Variants in ZC3H7A observed in about 807,000 individuals in gnomAD.
ZC3H7A encodes the protein zinc finger CCCH domain-containing protein 7A.
Under a neutral mutation model 125.5 loss-of-function variants are expected in ZC3H7A, and 44 were observed. That is an observed-to-expected ratio of 0.35 (90% CI 0.28 to 0.45). The LOEUF is 0.45. Ranked by LOEUF, ZC3H7A falls within the 20% of genes least tolerant of loss-of-function variation. ZC3H7A has a pLI of 1.00. For synonymous variants in ZC3H7A, 399 were observed against 391.2 expected, an observed-to-expected ratio of 1.02 and a Z score of -0.23; for missense variants, 977 against 1,170.7, an observed-to-expected ratio of 0.83 and a Z score of 2.41.
chr16:11,781,624 A>G (rs2053174243), intron 2 of ZC3H7A, among the ~76,000 whole-genome samples, 160 bp from the exon 3 acceptor site: 1 of 146,740 alleles, frequency 6.8e-6, no homozygotes, highest in African/African-American at 2.6e-5. Context: ...ACAGATGACT[A>G]CAGTTATGGG....
Position 11,765,630 on chromosome 16 carries a change from G to A in ZC3H7A, c.1578C>T (p.Cys526=). 1.2e-6 allele frequency: 2 copies of A among 1,613,858 alleles called. No homozygotes were observed. The highest frequency in any genetic ancestry group is 1.7e-6 in the Non-Finnish European group (2 of 1,179,866). ...RYSGHCTFAY[C]QEEIDVWTLE... is the part of the protein sequence containing the mutation. ...GTGTCCACACATCTATCTCCTCTTGGCAATAAGCAAACGTGCAGTGGCCTG... is the reference window on the plus strand; with the variant it reads ...GTGTCCACACATCTATCTCCTCTTGACAATAAGCAAACGTGCAGTGGCCTG... The change falls in exon 14 of 23, where the codon TGC becomes TGT. Residue 526 remains cysteine (C), a synonymous_variant. Coordinates refer to ENST00000355758, the MANE Select transcript of ZC3H7A (RefSeq NM_014153.4). The surrounding 1 kb of genome is among the most constrained non-coding windows in gnomAD (Gnocchi z 4.8).
rs373584454 is a variant in ZC3H7A, at chr16:11,767,551, T to A, written c.1388A>T (p.His463Leu). 3 of 1,597,370 alleles carry A rather than the reference T, an allele frequency of 1.9e-6. No homozygotes were observed. The African/African-American group carries it at 4.1e-5, about 22-fold the overall frequency. Residue 463 changes from histidine to leucine, a missense_variant, in exon 13 of 23, where the codon CAT (histidine) becomes CTT (leucine). Physicochemically the swap from His to Leu is moderately conservative, Grantham distance 99. Transcript: ENST00000355758. ...CTTACACTTATGATCTATGTTAGCA[T>A]GGTAAGTGAAATCCATTAACTTAGG... Reference protein sequence around the residue: ...SGPKLMDFTYHANIDHKCKKD... With the variant: ...SGPKLMDFTYLANIDHKCKKD...
chr16:11,756,438 A>T (rs1193296265), intron 20 of ZC3H7A, 68 bp from the exon 21 acceptor site: 5 of 1,572,060 alleles, frequency 3.2e-6, no homozygotes, highest in Non-Finnish European at 4.3e-6. Context: ...AACTATGTGC[A>T]TATTTTGTAG....
In ZC3H7A at chr16:11,776,909, C is replaced by T; in HGVS notation, c.307G>A (p.Gly103Ser). The change falls in exon 5 of 23, where the codon GGT becomes AGT. Residue 103 changes from glycine (G) to serine (S), a missense_variant and splice_region_variant. By Grantham distance (56) the Gly-to-Ser change is moderately conservative (BLOSUM62 0). Coordinates refer to ENST00000355758, the MANE Select transcript of ZC3H7A (RefSeq NM_014153.4). ...INRIACYSNM[G>S]FHDKVLEDCN... ...TCCTCCAAAACTTTATCATGGAAAC[C>T]CTGGTGTGTAAGACCAAAGAATAAA... 6.3e-7 allele frequency: 1 copy of T among 1,590,160 alleles called. No homozygotes were observed. Among genetic ancestry groups the T allele is most frequent in the Non-Finnish European group, 8.5e-7 (1 of 1,171,380 alleles).
chr16:11,759,716 A>G (rs941914885), intron 19 of ZC3H7A: 20 of 152,302 alleles, frequency 1.3e-4, no homozygotes, highest in Admixed American at 9.2e-4. Context: ...AGGCTGAATA[A>G]CTTGACTGGG....
chr16:11,768,038 G>A (rs549296459), intron 12 of ZC3H7A, among the ~76,000 whole-genome samples: 1 of 152,126 alleles, frequency 6.6e-6, no homozygotes, highest in East Asian at 1.9e-4. Context: ...AGAACATAAG[G>A]AGTTTCATTA....
intron 7 of ZC3H7A, among the ~76,000 whole-genome samples, chr16:11,775,254 C>T (rs2053059721): frequency 6.6e-6 from 1 of 151,906 alleles, no homozygotes; most frequent in Non-Finnish European, 1.5e-5. Context: ...ATCTGTAATC[C>T]CAGCTACTCA....
At chr16:11,757,938 C>A (rs1284412683) in intron 20 of ZC3H7A, among the ~76,000 whole-genome samples, 7 of 152,168 alleles carry the variant, frequency 4.6e-5, no homozygotes, top group Non-Finnish European at 1.0e-4. Flanking sequence ...AGGCTGTCTG[C>A]GGCTCCTCTC....
chr16:11,758,311 C>A, intron 20 of ZC3H7A, 120 bp downstream of exon 20: 1 of 744,258 alleles, frequency 1.3e-6, no homozygotes, highest in Non-Finnish European at 2.3e-6. Context: ...ACTGATGAAA[C>A]GGGGCAACCG....
At chr16:11,775,073 T>C in intron 7 of ZC3H7A, 60 bp from the exon 8 acceptor site, 1 of 1,581,800 alleles carries the variant, frequency 6.3e-7, no homozygotes, top group Non-Finnish European at 8.7e-7. Context: ...CATAAAACAA[T>C]CAGTAAAACT....
At position 11,768,517 on chromosome 16, in the gene ZC3H7A, G is replaced by GAAAAAAAAA; in HGVS notation, c.1174-17_1174-16insTTTTTTTTT. 1 of 1,048,758 alleles carries GAAAAAAAAA rather than the reference G, an allele frequency of 9.5e-7. No individual in the cohort carries two copies. The highest frequency in any genetic ancestry group is 6.1e-5 in the Admixed American group (1 of 16,454). The allele number at this position is 1,048,758 out of a possible 1,614,324, so 65.0% of individuals were successfully genotyped here. ...GTCCATTCATCTGCAAGAAAAATAA[G>GAAAAAAAAA]AAGAAAAAAAAAAAAAACAGCCAAC... On this transcript the variant is annotated splice_polypyrimidine_tract_variant and intron_variant, in intron 11 of 22. Coordinates refer to ENST00000355758, the MANE Select transcript of ZC3H7A (RefSeq NM_014153.4).
At chr16:11,796,460 A>C (rs1465366055) in intron 1 of ZC3H7A, 1 of 152,430 alleles carries the variant, frequency 6.6e-6, no homozygotes, top group Non-Finnish European at 1.5e-5. Context: ...TGGCAAATCC[A>C]CCCAGTCCCG....
chr16:11,774,500 T>C lies in ZC3H7A; in HGVS notation c.639A>G (p.Gln213=). ...GTAAAGAGACAACAGGAACTGCTTC[T>C]TGCCTTGGAGTTAATAAATCTGTAA... The part of the protein sequence containing the change: ...DIEPDLLTPR[Q]EAVPVVSLPA... Residue 213 remains glutamine, a synonymous_variant, in exon 9 of 23, where the codon CAA becomes CAG. Transcript: ENST00000355758. The C allele has an allele frequency of 6.4e-7, 1 of 1,553,976 alleles. No individual in the cohort carries two copies. The highest frequency in any genetic ancestry group is 8.7e-7 in the Non-Finnish European group (1 of 1,148,442).
intron 2 of ZC3H7A, 108 bp from the exon 3 acceptor site, chr16:11,781,572 G>T: frequency 8.9e-7 from 1 of 1,126,034 alleles, no homozygotes; most frequent in Non-Finnish European, 1.3e-6. Flanking sequence ...ACTGGTTCAA[G>T]GCATATTTCA....
intron 22 of ZC3H7A, 30 bp downstream of exon 22, chr16:11,752,639 G>A (rs757854075): frequency 5.7e-6 from 9 of 1,588,140 alleles, no homozygotes; most frequent in Admixed American, 1.8e-5. Flanking sequence ...CAGCAATTCT[G>A]ACATGGAAAA....
At chr16:11,759,113 A>G (rs2052699624) in intron 19 of ZC3H7A, 1 of 152,274 alleles carries the variant, frequency 6.6e-6, no homozygotes, top group African/African-American at 2.4e-5. Flanking sequence ...TCTTCAGGTT[A>G]TTTGTATTTT....
chr16:11,774,639 A>AGTATATTATTT, intron 8 of ZC3H7A, 120 bp from the exon 9 acceptor site: 1 of 1,219,906 alleles, frequency 8.2e-7, no homozygotes, highest in Non-Finnish European at 1.1e-6. Flanking sequence ...AAATAATAAA[A>AGTATATTATTT]TTGACAGTAT....
chr16:11,788,991 CATA>C (rs1310400437), intron 1 of ZC3H7A, among the ~76,000 whole-genome samples: 4 of 152,082 alleles, frequency 2.6e-5, no homozygotes, highest in African/African-American at 9.7e-5. Flanking sequence ...GATAAAACTG[CATA>C]ATACTACACA....
At chr16:11,774,768 G>A (rs144988203) in intron 8 of ZC3H7A, among the ~76,000 whole-genome samples, 1 of 152,226 alleles carries the variant, frequency 6.6e-6, no homozygotes, top group Non-Finnish European at 1.5e-5. Context: ...GTGGGTGTCA[G>A]TGATTGCTTA....
Sources: allele counts gnomAD v4.1 joint callset (sites outside exome capture counted in the v4.1 genomes callset), GRCh38; gene constraint gnomAD v4.1.1; non-coding constraint Gnocchi (gnomAD v3.1); transcripts MANE v1.5; gene names NCBI Gene and HGNC (gene_info 2026-07-23, HGNC 2026-07-21).